Variants in SLCO6A1 observed in about 807,000 individuals in gnomAD.
SLCO6A1 encodes the protein solute carrier organic anion transporter family member 6A1.
In SLCO6A1, 65 loss-of-function variants were observed where a neutral mutation model predicts 72.7. The observed-to-expected ratio is 0.89, with a 90% CI of 0.73 to 1.10. The LOEUF (loss-of-function observed/expected upper bound fraction) is 1.10, where lower values mean the gene tolerates loss of function less well. SLCO6A1 is among the 50% of genes least tolerant of loss of function. The pLI is 0.00. For missense variants in SLCO6A1, 874 were observed against 872.6 expected (o/e 1.00, Z -0.02); for synonymous variants, 314 against 298.2 (o/e 1.05, Z -0.55).
chr5:102,376,132 A>G (rs1054764728), intron 12 of SLCO6A1, among the ~76,000 whole-genome samples: 2 of 152,212 alleles, frequency 1.3e-5, no homozygotes, highest in Non-Finnish European at 2.9e-5. Context: ...GGAGACCAGA[A>G]AGTGATGTAA....
chr5:102,380,165 A>G (rs1300530952), intron 12 of SLCO6A1, among the ~76,000 whole-genome samples: 2 of 151,956 alleles, frequency 1.3e-5, no homozygotes, highest in Admixed American at 1.3e-4. Context: ...AAAAGTGTTG[A>G]GCCATATATT....
chr5:102,428,656 C>T (rs1749046442), intron 7 of SLCO6A1, among the ~76,000 whole-genome samples: 1 of 152,042 alleles, frequency 6.6e-6, no homozygotes, highest in Non-Finnish European at 1.5e-5. Flanking sequence ...TCCTACCACC[C>T]TCCACCCTCA....
intron 8 of SLCO6A1, among the ~76,000 whole-genome samples, chr5:102,417,287 CA>C: frequency 6.8e-6 from 1 of 147,374 alleles, no homozygotes; most frequent in Non-Finnish European, 1.5e-5. Flanking sequence ...TTTTTTTTTT[CA>C]AAATAAAGAT....
chr5:102,382,041 C>T (rs1439061657), intron 12 of SLCO6A1, among the ~76,000 whole-genome samples: 3 of 151,608 alleles, frequency 2.0e-5, no homozygotes, highest in Non-Finnish European at 4.4e-5. Flanking sequence ...TTGACTGTTT[C>T]CATTGCTGTG....
At chr5:102,388,623 T>A in intron 12 of SLCO6A1, 65 bp downstream of exon 12, 1 of 1,169,144 alleles carries the variant, frequency 8.6e-7, no homozygotes, top group Non-Finnish European at 1.2e-6. Flanking sequence ...TCTACATTAC[T>A]ATTAACAACC....
At chr5:102,460,466 C>A (rs944443263) in intron 4 of SLCO6A1, among the ~76,000 whole-genome samples, 4 of 152,056 alleles carry the variant, frequency 2.6e-5, no homozygotes, top group African/African-American at 7.2e-5. Context: ...TCATTTTACT[C>A]ATAATTATTT....
intron 12 of SLCO6A1, among the ~76,000 whole-genome samples, chr5:102,386,850 G>T (rs10051762): frequency 6.6e-6 from 1 of 152,160 alleles, no homozygotes; most frequent in South Asian, 2.1e-4. Flanking sequence ...ACTTGGTTTC[G>T]AGTCAATGGC....
rs144619414 is a variant in SLCO6A1, at chr5:102,455,027, T to TATATATATATATATATATACATAA, written c.1131+3354_1131+3355insTTATGTATATATATATATATATAT. Among the ~76,000 whole-genome samples the TATATATATATATATATATACATAA allele has an allele frequency of 6.4e-3, 901 of 141,648 alleles. 20 individuals are homozygous for TATATATATATATATATATACATAA. Among genetic ancestry groups the TATATATATATATATATATACATAA allele is most frequent in the African/African-American group, 0.022 (818 of 36,874 alleles). 92.9% of individuals were successfully genotyped at this position (141,648 alleles called of 152,430 possible). On this transcript the variant is annotated intron_variant, in intron 6 of 13. Transcript: ENST00000506729. ...ATATAAATATATATATATATATATA[T>TATATATATATATATATATACATAA]AAATTATGTTATAACAAAGATCTAT...
intron 10 of SLCO6A1, 140 bp from the exon 11 acceptor site, chr5:102,391,185 G>A (rs924533187): frequency 1.3e-6 from 1 of 762,678 alleles, no homozygotes; most frequent in Non-Finnish European, 2.2e-6. Flanking sequence ...CAGAGTTTAA[G>A]CTGGCCTGTT....
chr5:102,407,869 C>A (rs572338769), intron 9 of SLCO6A1, among the ~76,000 whole-genome samples: 1 of 152,244 alleles, frequency 6.6e-6, no homozygotes, highest in Non-Finnish European at 1.5e-5. Context: ...CTTTCCAAGG[C>A]CCTCCAGAAA....
chr5:102,408,756 G>A (rs1463701010), intron 9 of SLCO6A1, among the ~76,000 whole-genome samples: 1 of 151,990 alleles, frequency 6.6e-6, no homozygotes, highest in Non-Finnish European at 1.5e-5. Flanking sequence ...AATATTGATT[G>A]TACAAAAGCC....
intron 4 of SLCO6A1, among the ~76,000 whole-genome samples, chr5:102,460,936 A>G (rs1284612404): frequency 7.2e-5 from 1 of 13,950 alleles, no homozygotes. Flanking sequence ...ATATATATAT[A>G]TATATATATA....
chr5:102,498,433 G>C, intron 1 of SLCO6A1, 54 bp downstream of exon 1: 1 of 1,532,100 alleles, frequency 6.5e-7, no homozygotes. Flanking sequence ...TCCCGCCTCC[G>C]CCAGTGCGGC....
intron 6 of SLCO6A1, among the ~76,000 whole-genome samples, chr5:102,441,757 T>C (rs552400943): frequency 1.3e-5 from 2 of 152,064 alleles, no homozygotes; most frequent in Admixed American, 1.3e-4. Flanking sequence ...GAAGTTTTTT[T>C]AGCATCTCTG....
intron 4 of SLCO6A1, among the ~76,000 whole-genome samples, chr5:102,465,934 G>A (rs199787639): frequency 1.3e-5 from 2 of 152,208 alleles, no homozygotes; most frequent in East Asian, 3.9e-4. Context: ...AGTTGTGCCT[G>A]TCTCTACTAT....
At position 102,382,454 on chromosome 5, in the gene SLCO6A1, G is replaced by T. The variant is rs896183297; in HGVS notation, c.2017+6234C>A. On this transcript the variant is annotated intron_variant, in intron 12 of 13. Transcript: ENST00000506729. ...TGTTCATTTTGCCAAAGATTGTATT[G>T]GCCATTGAAGGTCTTTTGTGATTTC... 4.0e-5 allele frequency among the ~76,000 whole-genome samples: 6 copies of T among 150,436 alleles called. No individual in the cohort carries two copies. The East Asian group carries it at 9.7e-4, about 24-fold the overall frequency.
At chr5:102,414,135 A>T (rs1748141271) in intron 8 of SLCO6A1, among the ~76,000 whole-genome samples, 1 of 152,142 alleles carries the variant, frequency 6.6e-6, no homozygotes, top group Admixed American at 6.5e-5. Flanking sequence ...TTGGTGTCAC[A>T]TCTAAAAGAT....
At chr5:102,427,638 A>G (rs1355729248) in intron 7 of SLCO6A1, among the ~76,000 whole-genome samples, 1 of 151,902 alleles carries the variant, frequency 6.6e-6, no homozygotes, top group Non-Finnish European at 1.5e-5. Context: ...ATAGTGTAGT[A>G]TCTTGAATGA....
At chr5:102,390,882 C>T in intron 11 of SLCO6A1, 99 bp downstream of exon 11, 1 of 1,020,888 alleles carries the variant, frequency 9.8e-7, no homozygotes, top group Non-Finnish European at 1.5e-6. Flanking sequence ...CGCTTTGTGT[C>T]ATTTACTATT....
Sources: allele counts gnomAD v4.1 joint callset (sites outside exome capture counted in the v4.1 genomes callset), GRCh38; gene constraint gnomAD v4.1.1; transcripts MANE v1.5; gene names NCBI Gene and HGNC (gene_info 2026-07-23, HGNC 2026-07-21).